AQR: variants seen among roughly 807,000 people sequenced by gnomAD.
AQR encodes aquarius intron-binding spliceosomal factor.
In AQR, 61 loss-of-function variants were observed where a neutral mutation model predicts 180.5. The ratio of observed to expected loss-of-function variants is 0.34; its 90% confidence interval spans 0.28 to 0.42. The LOEUF is 0.42. AQR is among the 10% of genes least tolerant of loss of function. The pLI is 1.00. For synonymous variants in AQR, 551 were observed against 588.8 expected (o/e 0.94, Z 0.93); for missense variants, 1,281 against 1,798.3 (o/e 0.71, Z 5.20).
At position 34,932,453 on chromosome 15, in the gene AQR, A is replaced by C. The variant is rs757713069; in HGVS notation, c.784-19T>G. ...GCAGGGCCTGGGAAAAACAAACATC[A>C]TAACAGTAAGTTTGCATCTATTCTC... On this transcript the variant is annotated intron_variant, in intron 10 of 34. Coordinates refer to ENST00000156471, the MANE Select transcript of AQR (RefSeq NM_014691.3). 6.6e-7 allele frequency: 1 copy of C among 1,508,884 alleles called. No homozygotes were observed. The highest frequency in any genetic ancestry group is 1.2e-5 in the South Asian group (1 of 81,476). 93.5% of individuals were successfully genotyped at this position (1,508,884 alleles called of 1,614,324 possible). A position where few individuals can be genotyped will look rare whatever the true frequency, so the allele number is the denominator to read the frequency against.
In AQR at chr15:34,904,421, G is replaced by T. The variant is rs1240729020; in HGVS notation, c.1916C>A (p.Thr639Asn). 3 of 1,610,612 alleles carry T rather than the reference G, an allele frequency of 1.9e-6. No homozygotes were observed. Among genetic ancestry groups the T allele is most frequent in the Non-Finnish European group, 2.5e-6 (3 of 1,177,668 alleles). Residue 639 changes from threonine (T) to asparagine (N), a missense_variant, in exon 19 of 35, where the codon ACC (threonine) becomes AAC (asparagine). By Grantham distance (65) the Thr-to-Asn change is moderately conservative. Coordinates refer to ENST00000156471, the MANE Select transcript of AQR (RefSeq NM_014691.3). The part of the protein sequence containing the change: ...LDPNQYQQDM[T>N]NTIQNGAEDV... ...CTCTGCTCCATTTTGTATAGTATTGGTCATATCTTGTTGATACTGGTTTGG... is the reference window on the plus strand; with the variant it reads ...CTCTGCTCCATTTTGTATAGTATTGTTCATATCTTGTTGATACTGGTTTGG...
At chr15:34,873,714 G>T in intron 30 of AQR, 114 bp downstream of exon 30, 1 of 844,774 alleles carries the variant, frequency 1.2e-6, no homozygotes, top group Non-Finnish European at 1.8e-6. Flanking sequence ...CTATGTGTAA[G>T]GTGGGGTTCC....
chr15:34,863,260 G>A (rs960550106), intron 32 of AQR: 1 of 441,634 alleles, frequency 2.3e-6, no homozygotes, highest in African/African-American at 2.0e-5. Flanking sequence ...TTTTTGAAGG[G>A]GAGGATCACA....
At position 34,853,847 on chromosome 15, in the gene AQR, A is replaced by C. The variant is rs1892548788; in HGVS notation, c.*2945T>G. On this transcript the variant is annotated 3_prime_UTR_variant, in exon 35 of 35. Transcript: ENST00000156471. ...GAAAATGGGCTTAGAGAGGTTATAA[A>C]ATTTGTCTAAGGTCTAACCAAATGC... is the stretch of plus-strand genomic sequence containing the variant. 6.6e-6 allele frequency: 1 copy of C among 152,206 alleles called. No individual in the cohort carries two copies. Among genetic ancestry groups the C allele is most frequent in the Non-Finnish European group, 1.5e-5 (1 of 68,032 alleles). 9.4% of individuals were successfully genotyped at this position (152,206 alleles called of 1,614,324 possible). A position where few individuals can be genotyped will look rare whatever the true frequency, so the allele number is the denominator to read the frequency against.
intron 3 of AQR, among the ~76,000 whole-genome samples, chr15:34,957,793 T>TA (rs1894345383): frequency 1.5e-5 from 2 of 137,354 alleles, no homozygotes; most frequent in African/African-American, 2.6e-5. Flanking sequence ...TAAAAAAACA[T>TA]AAAAAACAAA....
At chr15:34,960,890 A>G in intron 2 of AQR, 76 bp from the exon 3 acceptor site, 1 of 523,108 alleles carries the variant, frequency 1.9e-6, no homozygotes, top group Non-Finnish European at 3.3e-6. Flanking sequence ...TTAATGAGTG[A>G]GATTATATAA....
At chr15:34,937,252 C>G (rs893293372) in intron 9 of AQR, among the ~76,000 whole-genome samples, 5 of 97,926 alleles carry the variant, frequency 5.1e-5, no homozygotes, top group African/African-American at 1.3e-4. Flanking sequence ...GTCTCGATCT[C>G]CTGACCTCGT....
chr15:34,878,087 T>C (rs897788167), intron 27 of AQR, among the ~76,000 whole-genome samples: 2 of 152,124 alleles, frequency 1.3e-5, no homozygotes, highest in African/African-American at 4.8e-5. Flanking sequence ...CTTTCTCAAC[T>C]ATAAAATGGA....
At chr15:34,941,169 T>G (rs1307815161) in intron 7 of AQR, among the ~76,000 whole-genome samples, 170 bp from the exon 8 acceptor site, 1 of 152,184 alleles carries the variant, frequency 6.6e-6, no homozygotes, top group Non-Finnish European at 1.5e-5. Context: ...ATAACGATAT[T>G]TTAAAAAATT....
intron 27 of AQR, 55 bp from the exon 28 acceptor site, chr15:34,876,061 TCATAAA>T: frequency 2.3e-6 from 3 of 1,290,260 alleles, no homozygotes; most frequent in Non-Finnish European, 2.2e-6. Flanking sequence ...ACAACTACCA[TCATAAA>T]CATAATCATC....
At chr15:34,901,339 G>A (rs944858653) in intron 19 of AQR, among the ~76,000 whole-genome samples, 1 of 151,992 alleles carries the variant, frequency 6.6e-6, no homozygotes, top group African/African-American at 2.4e-5. Context: ...GTGATGAAAC[G>A]TCACAACTTA....
chr15:34,900,212 T>C (rs2140476275), intron 20 of AQR, among the ~76,000 whole-genome samples: 1 of 152,296 alleles, frequency 6.6e-6, no homozygotes, highest in Middle Eastern at 3.4e-3. Flanking sequence ...ACATTTCAAA[T>C]TTGTGAAAGC....
rs562099180 is a variant in AQR, at chr15:34,901,519, A to T, written c.2002-656T>A. Among the ~76,000 whole-genome samples, 19 of 152,354 alleles carry T rather than the reference A, an allele frequency of 1.2e-4. No individual in the cohort carries two copies. The South Asian group carries it at 3.7e-3, about 30-fold the overall frequency. On this transcript the variant is annotated intron_variant, in intron 19 of 34. Transcript: ENST00000156471. ...AAATAATTACAAAAAGCCAAGGGAAATTCTTAGACTTTCCAAAAATCATTT... is the reference window on the plus strand; with the variant it reads ...AAATAATTACAAAAAGCCAAGGGAATTTCTTAGACTTTCCAAAAATCATTT...
Position 34,870,265 on chromosome 15 carries a change from T to G in AQR, c.3768+487A>C, listed in dbSNP as rs1892797607. On this transcript the variant is annotated intron_variant, in intron 31 of 34. Coordinates refer to ENST00000156471, the MANE Select transcript of AQR (RefSeq NM_014691.3). ...ATTAGTATTATCTTTATGTTTTTTC[T>G]AATGTATTCTACCCTTCATTAATGA... 4 of 152,284 alleles carry G rather than the reference T, an allele frequency of 2.6e-5. No individual in the cohort carries two copies. The South Asian group carries it at 8.3e-4, about 32-fold the overall frequency. 9.4% of individuals were successfully genotyped at this position (152,284 alleles called of 1,614,324 possible). A position where few individuals can be genotyped will look rare whatever the true frequency, so the allele number is the denominator to read the frequency against.
In AQR at chr15:34,851,899, G is replaced by A. The variant is rs193123738; in HGVS notation, c.*4893C>T. ...AATGCTCAGTGACCTTTTCTTAGGA[G>A]GCTCACATGAAGGAATGTCATGGTA... On this transcript the variant is annotated 3_prime_UTR_variant, in exon 35 of 35. Coordinates refer to ENST00000156471, the MANE Select transcript of AQR (RefSeq NM_014691.3). 38 of 152,266 alleles carry A rather than the reference G, an allele frequency of 2.5e-4. No individual in the cohort carries two copies. The highest frequency in any genetic ancestry group is 3.4e-3 in the Middle Eastern group (1 of 294). 9.4% of individuals were successfully genotyped at this position (152,266 alleles called of 1,614,324 possible).
intron 32 of AQR, among the ~76,000 whole-genome samples, chr15:34,866,066 T>A (rs1045278009): frequency 8.5e-5 from 13 of 152,156 alleles, no homozygotes; most frequent in African/African-American, 3.1e-4. Flanking sequence ...AACTCAATAA[T>A]GTTATCAAAA....
At chr15:34,929,877 A>G (rs1893825222) in intron 12 of AQR, among the ~76,000 whole-genome samples, 2 of 152,206 alleles carry the variant, frequency 1.3e-5, no homozygotes, top group Non-Finnish European at 2.9e-5. Flanking sequence ...GGCGTATCTG[A>G]ATTACATTGG....
At chr15:34,939,461 A>C (rs1237583832) in intron 8 of AQR, among the ~76,000 whole-genome samples, 2 of 152,248 alleles carry the variant, frequency 1.3e-5, no homozygotes, top group Non-Finnish European at 2.9e-5. Flanking sequence ...TGCCCTTACC[A>C]TTAAAAATCT....
chr15:34,882,436 A>AT (rs1892985244), intron 27 of AQR, 66 bp downstream of exon 27: 14 of 1,361,770 alleles, frequency 1.0e-5, no homozygotes, highest in Non-Finnish European at 1.3e-5. Context: ...TACGAACTTC[A>AT]TAAGAAGTGA....
Sources: allele counts gnomAD v4.1 joint callset (sites outside exome capture counted in the v4.1 genomes callset), GRCh38; gene constraint gnomAD v4.1.1; transcripts MANE v1.5; gene names NCBI Gene and HGNC (gene_info 2026-07-23, HGNC 2026-07-21).